The following LEPR variants were observed in gnomAD, a reference collection of about 807,000 sequenced individuals.
LEPR encodes the protein OB receptor.
A neutral mutation model predicts 114.7 loss-of-function variants in LEPR; 56 were observed. That is an observed-to-expected ratio of 0.49 (90% CI 0.39 to 0.61). The LOEUF (loss-of-function observed/expected upper bound fraction) is 0.61, where lower values mean the gene tolerates loss of function less well. Among genes scored for constraint, LEPR ranks in the 20% least tolerant of loss-of-function variants. LEPR has a pLI of 0.00. For missense variants in LEPR, 1,202 were observed against 1,352.9 expected, an observed-to-expected ratio of 0.89 and a Z score of 1.75; for synonymous variants, 443 against 461.4, an observed-to-expected ratio of 0.96 and a Z score of 0.51.
At chr1:65,463,347 A>AG (rs1646969873) in intron 2 of LEPR, among the ~76,000 whole-genome samples, 1 of 152,060 alleles carries the variant, frequency 6.6e-6, no homozygotes, top group Non-Finnish European at 1.5e-5. Context: ...GTGTGGTATT[A>AG]TTTCTGAGGC....
intron 5 of LEPR, among the ~76,000 whole-genome samples, chr1:65,590,370 T>C (rs1321666642): frequency 1.3e-5 from 2 of 151,356 alleles, no homozygotes; most frequent in African/African-American, 4.9e-5. Flanking sequence ...GTGATATGGT[T>C]TGGCCATGTT....
chr1:65,605,298 G>C (rs1046474551), intron 11 of LEPR, 61 bp downstream of exon 11: 46 of 1,595,284 alleles, frequency 2.9e-5, no homozygotes, highest in Non-Finnish European at 8.6e-6. Flanking sequence ...GATTGATGCA[G>C]ATTTAATGTT....
chr1:65,597,441 G>A (rs1449462828), intron 7 of LEPR, among the ~76,000 whole-genome samples: 4 of 152,084 alleles, frequency 2.6e-5, no homozygotes, highest in African/African-American at 9.7e-5. Flanking sequence ...CAGGATAAGA[G>A]GAATCTGGGG....
At chr1:65,624,733 C>T (rs778490558) in intron 19 of LEPR, among the ~76,000 whole-genome samples, 6 of 152,196 alleles carry the variant, frequency 3.9e-5, no homozygotes, top group Admixed American at 1.3e-4. Flanking sequence ...GATTTCACAA[C>T]ATTCGAATGG....
At chr1:65,540,708 G>A (rs1429563512) in intron 2 of LEPR, among the ~76,000 whole-genome samples, 2 of 152,112 alleles carry the variant, frequency 1.3e-5, no homozygotes, top group African/African-American at 4.8e-5. Context: ...ACACACTAAT[G>A]TTTTAGAAAT....
At chr1:65,518,869 TTCTTTTTC>T (rs1236869910) in intron 2 of LEPR, among the ~76,000 whole-genome samples, 9 of 140,692 alleles carry the variant, frequency 6.4e-5, no homozygotes, top group Admixed American at 4.9e-4. Context: ...CTTTCTTTCT[TTCTTTTTC>T]TTTCTTTCTT....
intron 2 of LEPR, among the ~76,000 whole-genome samples, chr1:65,456,956 T>C (rs1023916426): frequency 6.6e-6 from 1 of 152,240 alleles, no homozygotes; most frequent in Non-Finnish European, 1.5e-5. Flanking sequence ...TTCTCTGTTA[T>C]ACTTTTTTCC....
intron 19 of LEPR, among the ~76,000 whole-genome samples, chr1:65,632,836 C>T (rs1486961445): frequency 6.6e-6 from 1 of 151,434 alleles, no homozygotes; most frequent in East Asian, 1.9e-4. Flanking sequence ...GCTGTTGGTT[C>T]TCCCTCTTTA....
At chr1:65,437,883 C>T (rs549840801) in intron 2 of LEPR, among the ~76,000 whole-genome samples, 473 of 1,002 alleles carry the variant, frequency 0.47, 4 homozygotes, top group Middle Eastern at 0.5. Flanking sequence ...AGATATGGCT[C>T]ACTGCAAACC....
At chr1:65,515,568 G>A (rs1011848708) in intron 2 of LEPR, among the ~76,000 whole-genome samples, 5 of 152,102 alleles carry the variant, frequency 3.3e-5, no homozygotes, top group Admixed American at 3.3e-4. Context: ...AAAGCATAAG[G>A]ATATCCTGAA....
chr1:65,486,821 G>A (rs1031266701), intron 2 of LEPR, among the ~76,000 whole-genome samples: 1 of 152,128 alleles, frequency 6.6e-6, no homozygotes, highest in African/African-American at 2.4e-5. Flanking sequence ...CCATATGGCT[G>A]TCCAGATACC....
intron 2 of LEPR, among the ~76,000 whole-genome samples, chr1:65,549,147 T>G (rs962164417): frequency 2.6e-5 from 4 of 151,530 alleles, no homozygotes; most frequent in Non-Finnish European, 5.9e-5. Context: ...CCCACTCTCT[T>G]CTGGCTTGTA....
intron 2 of LEPR, among the ~76,000 whole-genome samples, chr1:65,519,990 A>G (rs1557637153): frequency 6.6e-6 from 1 of 151,852 alleles, no homozygotes; most frequent in African/African-American, 2.4e-5. Context: ...CAGCCTCCCA[A>G]GTAGCTGGGA....
rs1005521814 is a variant in LEPR at position 65,575,601 on chromosome 1, T to A, written c.494+3152T>A. ...TTAAACATAATGTAGATTCATTTTT[T>A]AAAAATTGTCTGTTTAGAACATACT... On this transcript the variant is annotated intron_variant, in intron 5 of 19. Coordinates refer to ENST00000349533, the MANE Select transcript of LEPR (RefSeq NM_002303.6). 2.0e-5 allele frequency among the ~76,000 whole-genome samples: 3 copies of A among 151,488 alleles called. 1 individual carries two copies. Among genetic ancestry groups the A allele is most frequent in the African/African-American group, 4.9e-5 (2 of 40,792 alleles).
intron 1 of LEPR, among the ~76,000 whole-genome samples, chr1:65,421,762 C>G (rs141121976): frequency 1.6e-4 from 25 of 152,138 alleles, no homozygotes; most frequent in African/African-American, 6.0e-4. Flanking sequence ...GAAGCCAATG[C>G]CGAAAACAGA....
intron 2 of LEPR, chr1:65,435,184 GTTTC>G (rs975097284): frequency 2.0e-6 from 2 of 985,168 alleles, no homozygotes; most frequent in African/African-American, 3.5e-5. Context: ...TTTCATAGTT[GTTTC>G]TTTTCTTCCA....
At position 65,616,200 on chromosome 1, in the gene LEPR, A is replaced by G. The variant is rs774373059; in HGVS notation, c.2188A>G (p.Thr730Ala). 7 of 1,614,036 alleles carry G rather than the reference A, an allele frequency of 4.3e-6. No individual in the cohort carries two copies. The South Asian group carries it at 7.7e-5, about 18-fold the overall frequency. Residue 730 changes from threonine to alanine, a missense_variant, in exon 15 of 20, where the codon ACC (threonine) becomes GCC (alanine). By Grantham distance (58) the Thr-to-Ala change is moderately conservative. Transcript: ENST00000349533. ...TGCTTCTGTTGCAAATTTTAATTTA[A>G]CCTTTTCATGGCCTATGAGCAAAGG... ...IGASVANFNL[T>A]FSWPMSKVNI...
intron 5 of LEPR, among the ~76,000 whole-genome samples, chr1:65,580,417 A>G (rs1290230266): frequency 6.6e-6 from 1 of 152,234 alleles, no homozygotes; most frequent in African/African-American, 2.4e-5. Flanking sequence ...GTAAAAAAGT[A>G]TATTTTAAAA....
In LEPR at chr1:65,563,372, A is replaced by G. The variant is rs1216963997; in HGVS notation, c.-20-2174A>G. ...GGCTCCTGAGGCTTCTGCATTCTTC[A>G]CGTAGTTCTCGAGCCTTGGTTTTCA... is the stretch of plus-strand genomic sequence containing the variant. On this transcript the variant is annotated intron_variant, in intron 2 of 19. Transcript: ENST00000349533. Among the ~76,000 whole-genome samples the G allele has an allele frequency of 2.8e-4, 17 of 60,348 alleles. No individual in the cohort carries two copies. In the East Asian group the frequency reaches 6.2e-3, roughly 22 times the overall value. 39.6% of individuals were successfully genotyped at this position (60,348 alleles called of 152,430 possible). A position where few individuals can be genotyped will look rare whatever the true frequency, so the allele number is the denominator to read the frequency against.
Sources: gnomAD v4.1 joint callset for allele counts (sites outside exome capture counted in the v4.1 genomes callset) on GRCh38, gnomAD v4.1.1 for gene constraint, MANE v1.5 for transcripts, NCBI Gene and HGNC (gene_info 2026-07-23, HGNC 2026-07-21) for gene names.